Variants in CD38 observed in about 807,000 individuals in gnomAD.
The protein encoded by CD38 is ADP-ribosyl cyclase/cyclic ADP-ribose hydrolase 1.
CD38 carries 31 observed loss-of-function variants against 36.3 expected under a neutral mutation model. The observed-to-expected ratio is 0.85, with a 90% CI of 0.64 to 1.15. The LOEUF is 1.15. CD38 is among the 50% of genes most tolerant of loss of function. CD38 has a pLI of 0.00. For synonymous variants in CD38, 131 were observed against 135.2 expected (o/e 0.97, Z 0.22); for missense variants, 380 against 371.9 (o/e 1.02, Z -0.18).
chr4:15,831,840 A>G (rs1723966030), intron 3 of CD38, among the ~76,000 whole-genome samples: 2 of 152,162 alleles, frequency 1.3e-5, no homozygotes, highest in Non-Finnish European at 1.5e-5. Context: ...CTAGGTTTGC[A>G]AAGTTCTCTG....
At chr4:15,794,263 T>G (rs11937594) in intron 1 of CD38, among the ~76,000 whole-genome samples, 1 of 152,264 alleles carries the variant, frequency 6.6e-6, no homozygotes, top group East Asian at 1.9e-4. Context: ...AGTTATCAGA[T>G]TGAAAAAGCA....
chr4:15,786,082 C>T (rs561334268), intron 1 of CD38, among the ~76,000 whole-genome samples: 9 of 152,172 alleles, frequency 5.9e-5, no homozygotes, highest in Non-Finnish European at 8.8e-5. Flanking sequence ...AAGCTGCAGA[C>T]TTTCGTGGTG....
At chr4:15,800,876 C>T (rs1464117542) in intron 1 of CD38, among the ~76,000 whole-genome samples, 2 of 151,880 alleles carry the variant, frequency 1.3e-5, no homozygotes, top group Admixed American at 1.3e-4. Context: ...CAGTGAACCT[C>T]AGGAAACTAT....
chr4:15,780,515 C>G (rs1465061245), intron 1 of CD38, among the ~76,000 whole-genome samples: 1 of 121,378 alleles, frequency 8.2e-6, no homozygotes, highest in Non-Finnish European at 1.7e-5. Context: ...AATATTCTCT[C>G]TCTCACACAC....
rs1345920723 is a variant in CD38, at chr4:15,851,343, A to G, written c.*2741A>G. ...CTATAAGTGACTTCTCTACTGGATT[A>G]CTGGTTGCTCATACACCTCATATTT... is the stretch of plus-strand genomic sequence containing the variant. On this transcript the variant is annotated 3_prime_UTR_variant, in exon 8 of 8. Coordinates refer to ENST00000226279, the MANE Select transcript of CD38 (RefSeq NM_001775.4). The G allele has an allele frequency of 6.6e-6, 1 of 152,142 alleles. No homozygotes were observed. The highest frequency in any genetic ancestry group is 1.5e-5 in the Non-Finnish European group (1 of 68,040). 9.4% of individuals were successfully genotyped at this position (152,142 alleles called of 1,614,324 possible). A position where few individuals can be genotyped will look rare whatever the true frequency, so the allele number is the denominator to read the frequency against.
chr4:15,783,393 G>C (rs3822257), intron 1 of CD38, among the ~76,000 whole-genome samples: 15,795 of 152,236 alleles, frequency 0.1, 1,419 homozygotes, highest in African/African-American at 0.24. Context: ...ATGGATGATG[G>C]TGATTGCAGG....
At position 15,848,607 on chromosome 4, in the gene CD38, G is replaced by T. The variant is rs1297105468; in HGVS notation, c.*5G>T. The T allele has an allele frequency of 6.2e-7, 1 of 1,612,582 alleles. No homozygotes were observed. The highest frequency in any genetic ancestry group is 2.2e-5 in the East Asian group (1 of 44,892). ...TCTTGCACATCTGAGATCTGAGCCA[G>T]TCGCTGTGGTTGTTTTAGCTCCTTG... On this transcript the variant is annotated 3_prime_UTR_variant, in exon 8 of 8. Coordinates refer to ENST00000226279, the MANE Select transcript of CD38 (RefSeq NM_001775.4).
chr4:15,802,046 T>C (rs1249957377), intron 1 of CD38, among the ~76,000 whole-genome samples: 1 of 151,992 alleles, frequency 6.6e-6, no homozygotes, highest in African/African-American at 2.4e-5. Context: ...TACAGAAAAA[T>C]CTAAAGACTC....
intron 1 of CD38, among the ~76,000 whole-genome samples, chr4:15,790,456 A>T (rs998276368): frequency 4.6e-5 from 7 of 150,544 alleles, no homozygotes; most frequent in Non-Finnish European, 7.4e-5. Context: ...GGGATTGCGG[A>T]CGGAGTCTCG....
intron 1 of CD38, among the ~76,000 whole-genome samples, chr4:15,802,491 GTTTTA>G (rs56373639): frequency 0.08 from 10,662 of 133,982 alleles, 496 homozygotes; most frequent in East Asian, 0.21. Context: ...GCAATTGTTT[GTTTTA>G]TTTTATTTTA....
At chr4:15,834,565 GC>G (rs1204370810) in intron 4 of CD38, among the ~76,000 whole-genome samples, 2 of 152,262 alleles carry the variant, frequency 1.3e-5, no homozygotes, top group South Asian at 2.1e-4. Flanking sequence ...GGAACCTGGG[GC>G]TTGGTTTAAT....
intron 1 of CD38, among the ~76,000 whole-genome samples, chr4:15,798,702 G>C (rs1474596106): frequency 6.6e-6 from 1 of 152,142 alleles, no homozygotes; most frequent in African/African-American, 2.4e-5. Flanking sequence ...TCACAAAATT[G>C]GTGTAAAGTC....
At chr4:15,801,816 A>G (rs1032000802) in intron 1 of CD38, among the ~76,000 whole-genome samples, 8 of 152,216 alleles carry the variant, frequency 5.3e-5, no homozygotes, top group African/African-American at 1.7e-4. Context: ...AAGGCCATAT[A>G]TGACAAATCC....
chr4:15,783,815 T>G lies in CD38; in HGVS notation c.233+5168T>G, dbSNP rs535655101. Among the ~76,000 whole-genome samples the G allele has an allele frequency of 1.8e-4, 28 of 152,336 alleles. No individual in the cohort carries two copies. In the Middle Eastern group the frequency reaches 0.014, roughly 74 times the overall value. On this transcript the variant is annotated intron_variant, in intron 1 of 7. Coordinates refer to ENST00000226279, the MANE Select transcript of CD38 (RefSeq NM_001775.4). ...TCTGGCAGGATTTCTTGGGAGCCAATTCTCCATTTTTACTTCCCCATGCCT... is the reference window on the plus strand; with the variant it reads ...TCTGGCAGGATTTCTTGGGAGCCAAGTCTCCATTTTTACTTCCCCATGCCT...
At chr4:15,837,901 A>G (rs982595379) in intron 4 of CD38, among the ~76,000 whole-genome samples, 191 bp from the exon 5 acceptor site, 1 of 152,224 alleles carries the variant, frequency 6.6e-6, no homozygotes, top group African/African-American at 2.4e-5. Flanking sequence ...CAACTGCTTC[A>G]AGAACTCTGA....
chr4:15,825,742 G>C (rs930688636), intron 3 of CD38: 1 of 152,212 alleles, frequency 6.6e-6, no homozygotes, highest in Non-Finnish European at 1.5e-5. Context: ...CAGGTCCAAA[G>C]AAGTCTAGAA....
Position 15,840,135 on chromosome 4 carries a change from T to C in CD38, c.752+17T>C, listed in dbSNP as rs1724170644. On this transcript the variant is annotated intron_variant, in intron 6 of 7. Coordinates refer to ENST00000226279, the MANE Select transcript of CD38 (RefSeq NM_001775.4). Reference sequence around the variant, plus strand: ...AGATTCCAGGTATATCTTACTACTTTGTACCCAAGTGTTATTTTATGAATC... The same window carrying C: ...AGATTCCAGGTATATCTTACTACTTCGTACCCAAGTGTTATTTTATGAATC... 2 of 1,512,838 alleles carry C rather than the reference T, an allele frequency of 1.3e-6. No homozygotes were observed. The highest frequency in any genetic ancestry group is 1.8e-6 in the Non-Finnish European group (2 of 1,087,756). The allele number at this position is 1,512,838 out of a possible 1,614,324, so 93.7% of individuals were successfully genotyped here. A position where few individuals can be genotyped will look rare whatever the true frequency, so the allele number is the denominator to read the frequency against.
In CD38 at chr4:15,848,597, A is replaced by G; in HGVS notation, c.898A>G (p.Ile300Val). 6.2e-7 allele frequency: 1 copy of G among 1,613,454 alleles called. No individual in the cohort carries two copies. Among genetic ancestry groups the G allele is most frequent in the Non-Finnish European group, 8.5e-7 (1 of 1,179,478 alleles). The change falls in exon 8 of 8, where the codon ATC becomes GTC. Residue 300 changes from isoleucine (I) to valine (V), a missense_variant. Physicochemically the swap from Ile to Val is conservative, Grantham distance 29. Transcript: ENST00000226279. ...NPEDSSCTSE[I>V] is the part of the protein sequence containing the mutation. ...TGAGGATTCATCTTGCACATCTGAG[A>G]TCTGAGCCAGTCGCTGTGGTTGTTT...
intron 4 of CD38, among the ~76,000 whole-genome samples, chr4:15,835,530 A>C (rs1290004398): frequency 6.6e-6 from 1 of 151,832 alleles, no homozygotes; most frequent in Non-Finnish European, 1.5e-5. Flanking sequence ...GGTGTGGGCC[A>C]CTATGCCCGG....
Sources: allele counts gnomAD v4.1 joint callset (sites outside exome capture counted in the v4.1 genomes callset), GRCh38; gene constraint gnomAD v4.1.1; transcripts MANE v1.5; gene names NCBI Gene and HGNC (gene_info 2026-07-23, HGNC 2026-07-21).